Variants in OPCML observed in about 807,000 individuals in gnomAD.
OPCML encodes opioid-binding protein/cell adhesion molecule.
In OPCML, 13 loss-of-function variants were observed where a neutral mutation model predicts 37.8. The ratio of observed to expected loss-of-function variants is 0.34; its 90% confidence interval spans 0.22 to 0.55. OPCML has a LOEUF of 0.55. Ranked by LOEUF, OPCML falls within the 20% of genes least tolerant of loss-of-function variation. The pLI is 0.91. For synonymous variants in OPCML, 176 were observed against 168.8 expected (o/e 1.04, Z -0.33); for missense variants, 341 against 435.6 (o/e 0.78, Z 1.93).
chr11:132,705,276 T>A (rs1397290279), intron 2 of OPCML, among the ~76,000 whole-genome samples: 1 of 152,068 alleles, frequency 6.6e-6, no homozygotes, highest in African/African-American at 2.4e-5. Context: ...GAGTGAGTTC[T>A]CGGGAGTTCT....
intron 4 of OPCML, among the ~76,000 whole-genome samples, chr11:132,485,945 T>A (rs76467319): frequency 5.4e-4 from 82 of 152,328 alleles, no homozygotes; most frequent in African/African-American, 1.9e-3. Flanking sequence ...GGTGTGTGGC[T>A]AGCCTCTGAA....
At position 133,205,627 on chromosome 11, in the gene OPCML, T is replaced by C. The variant is rs941960855; in HGVS notation, c.62-262617A>G. 2.1e-4 allele frequency among the ~76,000 whole-genome samples: 32 copies of C among 152,284 alleles called. No individual in the cohort carries two copies. The highest frequency in any genetic ancestry group is 1.8e-3 in the Admixed American group (28 of 15,298). ...GTCCTCACGATCATTGCTCAGTTGG[T>C]GTGTGGGGAAAAATTTCTCACTCAT... On this transcript the variant is annotated intron_variant, in intron 1 of 7. Transcript: ENST00000524381. The surrounding 1 kb of genome is among the most constrained non-coding windows in gnomAD (Gnocchi z 4.8).
intron 1 of OPCML, among the ~76,000 whole-genome samples, chr11:133,373,442 T>A (rs1319717076): frequency 7.4e-6 from 1 of 135,166 alleles, no homozygotes; most frequent in South Asian, 2.3e-4. Flanking sequence ...TATATATATA[T>A]ATATATACAC....
intron 1 of OPCML, among the ~76,000 whole-genome samples, chr11:133,445,521 C>T (rs1946456763): frequency 6.6e-6 from 1 of 152,180 alleles, no homozygotes. Context: ...CCTGGACTGT[C>T]TAGCATTTAC....
intron 1 of OPCML, among the ~76,000 whole-genome samples, chr11:133,271,577 T>C (rs1941834717): frequency 6.6e-6 from 1 of 152,186 alleles, no homozygotes; most frequent in Non-Finnish European, 1.5e-5. Context: ...ACATGCATTG[T>C]TTCACTGAAC....
At chr11:133,499,876 T>TATATATA (rs1389927636) in intron 1 of OPCML, among the ~76,000 whole-genome samples, 9 of 65,352 alleles carry the variant, frequency 1.4e-4, no homozygotes, top group African/African-American at 5.4e-4. Context: ...ATATATATAT[T>TATATATA]TTTTTTTTTT....
intron 2 of OPCML, among the ~76,000 whole-genome samples, chr11:132,760,949 T>C (rs1946239841): frequency 2.0e-5 from 3 of 152,156 alleles, no homozygotes; most frequent in Admixed American, 2.0e-4. Flanking sequence ...GTTTTTCCTT[T>C]CCATATTTAG....
At chr11:133,422,200 T>C in intron 1 of OPCML, 1 of 984,606 alleles carries the variant, frequency 1.0e-6, no homozygotes, top group Non-Finnish European at 1.2e-6. Flanking sequence ...CAAAGGGCTC[T>C]TCAGTCCTTT....
Position 132,652,603 on chromosome 11 carries a change from G to A in OPCML, c.379+4484C>T, listed in dbSNP as rs140629439. ...TACCTAATTTGTAAATGGAGATAAC[G>A]GTCACTGCACTACAGCCTCCCAGGG... On this transcript the variant is annotated intron_variant, in intron 3 of 7. Coordinates refer to ENST00000524381, the MANE Select transcript of OPCML (RefSeq NM_001012393.5). Among the ~76,000 whole-genome samples the A allele has an allele frequency of 2.0e-3, 300 of 152,248 alleles. 1 individual carries two copies. Among genetic ancestry groups the A allele is most frequent in the Admixed American group, 3.9e-3 (60 of 15,306 alleles).
chr11:132,698,402 G>GT (rs561208394), intron 2 of OPCML, among the ~76,000 whole-genome samples: 1,730 of 152,174 alleles, frequency 0.011, 25 homozygotes, highest in African/African-American at 0.038. Context: ...GTGATGTTGA[G>GT]TTTTTTTAAA....
intron 1 of OPCML, among the ~76,000 whole-genome samples, chr11:133,228,301 G>A (rs571011499): frequency 6.6e-6 from 1 of 152,084 alleles, no homozygotes; most frequent in African/African-American, 2.4e-5. Context: ...TTCACACCCC[G>A]GTTTTACAGA....
intron 1 of OPCML, among the ~76,000 whole-genome samples, chr11:132,960,975 A>G (rs967947995): frequency 3.3e-5 from 5 of 152,136 alleles, no homozygotes; most frequent in Non-Finnish European, 7.3e-5. Context: ...GCGATGAACA[A>G]CACCCTGCCC....
chr11:133,245,144 T>C (rs951856122), intron 1 of OPCML, among the ~76,000 whole-genome samples: 5 of 152,216 alleles, frequency 3.3e-5, no homozygotes, highest in Admixed American at 3.3e-4. Context: ...GGGTGCACCC[T>C]CCTCTAGTTC....
At chr11:133,127,671 T>G (rs1266132157) in intron 1 of OPCML, among the ~76,000 whole-genome samples, 1 of 151,928 alleles carries the variant, frequency 6.6e-6, no homozygotes, top group African/African-American at 2.4e-5. Context: ...AAATATTTAC[T>G]AATTATCTAC....
At chr11:132,699,221 C>T (rs774892906) in intron 2 of OPCML, among the ~76,000 whole-genome samples, 1 of 152,008 alleles carries the variant, frequency 6.6e-6, no homozygotes, top group Non-Finnish European at 1.5e-5. Context: ...AGTAACTTTA[C>T]TGAATTTATT....
At chr11:132,531,755 C>CG (rs1291772772) in intron 3 of OPCML, among the ~76,000 whole-genome samples, 2 of 88,958 alleles carry the variant, frequency 2.2e-5, no homozygotes, top group African/African-American at 8.7e-5. Context: ...ATGTTCTACC[C>CG]GTTTTTTTTT....
chr11:132,915,217 T>G (rs1470792907), intron 2 of OPCML, among the ~76,000 whole-genome samples: 1 of 152,180 alleles, frequency 6.6e-6, no homozygotes, highest in Non-Finnish European at 1.5e-5. Flanking sequence ...ATCTCCCCAT[T>G]TTCAACATTA....
chr11:132,574,167 T>A (rs2096444548), intron 3 of OPCML, among the ~76,000 whole-genome samples: 1 of 148,394 alleles, frequency 6.7e-6, no homozygotes, highest in Non-Finnish European at 1.5e-5. Flanking sequence ...TTATCTTTTT[T>A]AAAAAAGGCA....
chr11:132,762,817 G>A lies in OPCML; in HGVS notation c.147-105498C>T, dbSNP rs146183102. On this transcript the variant is annotated intron_variant, in intron 2 of 7. Transcript: ENST00000524381. ...TGGCTTCAGCCCCCTTTCCAGGGGA[G>A]TTAATGGTTCTGTCTCACTGGTGTT... Among the ~76,000 whole-genome samples, 1,090 of 152,230 alleles carry A rather than the reference G, an allele frequency of 7.2e-3. 15 individuals are homozygous for A. The highest frequency in any genetic ancestry group is 0.024 in the African/African-American group (1,016 of 41,538).
Sources: gnomAD v4.1 joint callset for allele counts (sites outside exome capture counted in the v4.1 genomes callset) on GRCh38, gnomAD v4.1.1 for gene constraint, Gnocchi (gnomAD v3.1) non-coding constraint, MANE v1.5 for transcripts, NCBI Gene and HGNC (gene_info 2026-07-23, HGNC 2026-07-21) for gene names.